SLC24A2: variants seen among roughly 807,000 people sequenced by gnomAD.
The protein encoded by SLC24A2 is sodium/potassium/calcium exchanger 2.
A neutral mutation model predicts 62.0 loss-of-function variants in SLC24A2; 36 were observed. The observed-to-expected ratio is 0.58, with a 90% CI of 0.44 to 0.77. SLC24A2 has a LOEUF of 0.77. Among genes scored for constraint, SLC24A2 ranks in the 30% least tolerant of loss-of-function variants. The probability of loss-of-function intolerance (pLI) is 0.00; values close to 1 mark genes in which losing one functional copy is unlikely to be tolerated. For synonymous variants in SLC24A2, 358 were observed against 294.0 expected (o/e 1.22, Z -2.23); for missense variants, 846 against 817.9 (o/e 1.03, Z -0.42).
At chr9:20,093,213 C>T in the SLC24A2 span, among the ~76,000 whole-genome samples, 2 of 151,866 alleles carry the variant, frequency 1.3e-5, no homozygotes, top group African/African-American at 2.4e-5. Context: ...GCTGGGATTA[C>T]AGGCATGCAC....
At chr9:19,916,585 C>T in the SLC24A2 span, among the ~76,000 whole-genome samples, 1 of 151,906 alleles carries the variant, frequency 6.6e-6, no homozygotes, top group Non-Finnish European at 1.5e-5. Context: ...TACACATTTT[C>T]ATATTTATGG....
At chr9:19,830,187 A>G in the SLC24A2 span, among the ~76,000 whole-genome samples, 4 of 152,254 alleles carry the variant, frequency 2.6e-5, no homozygotes, top group South Asian at 8.3e-4. Flanking sequence ...GACATCACCT[A>G]TCTGAGATAC....
chr9:20,098,064 G>C, the SLC24A2 span, among the ~76,000 whole-genome samples: 5 of 152,178 alleles, frequency 3.3e-5, no homozygotes, highest in Middle Eastern at 3.4e-3. Context: ...ATCTTAAGAA[G>C]ATGGTACCAG....
chr9:19,911,867 C>A, the SLC24A2 span, among the ~76,000 whole-genome samples: 4 of 152,100 alleles, frequency 2.6e-5, no homozygotes, highest in Admixed American at 6.6e-5. Context: ...ACACTAAAAT[C>A]AGACATTTAA....
chr9:19,798,598 C>CCTCA, the SLC24A2 span, among the ~76,000 whole-genome samples: 2 of 146,554 alleles, frequency 1.4e-5, no homozygotes, highest in African/African-American at 5.0e-5. Context: ...ATCCTTTATA[C>CCTCA]CACACACACA....
intron 2 of SLC24A2, among the ~76,000 whole-genome samples, chr9:19,657,404 C>T (rs1818972285): frequency 2.0e-5 from 3 of 151,968 alleles, no homozygotes; most frequent in African/African-American, 2.4e-5. Context: ...TTTACCTTAA[C>T]TTTTGGGATA....
the SLC24A2 span, among the ~76,000 whole-genome samples, chr9:20,103,092 C>T: frequency 4.6e-5 from 7 of 152,342 alleles, no homozygotes; most frequent in East Asian, 1.4e-3. Context: ...GTCTCACTGA[C>T]TGCTAGCAAA....
the SLC24A2 span, among the ~76,000 whole-genome samples, chr9:20,279,443 A>G: frequency 6.6e-6 from 1 of 152,226 alleles, no homozygotes; most frequent in Non-Finnish European, 1.5e-5. Context: ...AGGCAGGAGA[A>G]TCACTTCAGC....
chr9:20,268,709 C>T, the SLC24A2 span, among the ~76,000 whole-genome samples: 1 of 152,196 alleles, frequency 6.6e-6, no homozygotes, highest in Non-Finnish European at 1.5e-5. Context: ...AGAAAACAGA[C>T]TAAGACATCT....
chr9:19,918,422 T>C, the SLC24A2 span, among the ~76,000 whole-genome samples: 3 of 152,016 alleles, frequency 2.0e-5, no homozygotes, highest in Admixed American at 6.6e-5. Context: ...AAGTATTCTT[T>C]TGTCTTCTAT....
At chr9:20,054,274 C>T in the SLC24A2 span, among the ~76,000 whole-genome samples, 4 of 152,082 alleles carry the variant, frequency 2.6e-5, no homozygotes, top group Admixed American at 6.5e-5. Flanking sequence ...TCACTGCAAC[C>T]TCTGCCTCCT....
the SLC24A2 span, among the ~76,000 whole-genome samples, chr9:19,794,943 G>C: frequency 6.6e-6 from 1 of 152,074 alleles, no homozygotes; most frequent in Admixed American, 6.6e-5. Flanking sequence ...CCTATTTCTA[G>C]TTCAGAATTT....
intron 2 of SLC24A2, among the ~76,000 whole-genome samples, chr9:19,651,113 C>A (rs577525013): frequency 6.6e-6 from 1 of 152,286 alleles, no homozygotes; most frequent in African/African-American, 2.4e-5. Context: ...TAGCACAGAT[C>A]TGAAGCCCCG....
At chr9:20,126,387 G>A in the SLC24A2 span, among the ~76,000 whole-genome samples, 1 of 150,808 alleles carries the variant, frequency 6.6e-6, no homozygotes, top group Non-Finnish European at 1.5e-5. Context: ...TTTTTTTCTA[G>A]ATATTAAACT....
At chr9:19,595,451 A>G (rs1836679550) in intron 5 of SLC24A2, among the ~76,000 whole-genome samples, 2 of 152,208 alleles carry the variant, frequency 1.3e-5, no homozygotes, top group Non-Finnish European at 2.9e-5. Context: ...AAATCAAGAG[A>G]AGGATAAAGT....
the SLC24A2 span, chr9:19,928,641 G>A: frequency 1.3e-5 from 2 of 152,174 alleles, no homozygotes; most frequent in East Asian, 1.9e-4. Context: ...AATTAACTGA[G>A]TACAGTGCTC....
chr9:20,266,520 GT>G, the SLC24A2 span, among the ~76,000 whole-genome samples: 1 of 151,708 alleles, frequency 6.6e-6, no homozygotes, highest in African/African-American at 2.4e-5. Flanking sequence ...TGCTTTTCAA[GT>G]TTCCACAAAG....
At chr9:20,071,922 C>A in the SLC24A2 span, among the ~76,000 whole-genome samples, 1 of 152,000 alleles carries the variant, frequency 6.6e-6, no homozygotes, top group Admixed American at 6.6e-5. Context: ...ACTGATTTAT[C>A]ATGAAGGATA....
the SLC24A2 span, among the ~76,000 whole-genome samples, chr9:19,795,281 C>T: frequency 1.4e-5 from 2 of 141,080 alleles, no homozygotes; most frequent in Non-Finnish European, 3.1e-5. Context: ...CCACCCCCAC[C>T]CCCGGCCCAA....
Sources: gnomAD v4.1 joint callset for allele counts (sites outside exome capture counted in the v4.1 genomes callset) on GRCh38, gnomAD v4.1.1 for gene constraint, MANE v1.5 for transcripts, NCBI Gene and HGNC (gene_info 2026-07-23, HGNC 2026-07-21) for gene names.